Variants in HERC6 observed in about 807,000 individuals in gnomAD.
HERC6 encodes the protein HECT and RLD domain containing E3 ubiquitin protein ligase family member 6.
HERC6 carries 101 observed loss-of-function variants against 114.5 expected under a neutral mutation model. The ratio of observed to expected loss-of-function variants is 0.88; its 90% CI spans 0.75 to 1.04. HERC6 has a LOEUF of 1.04. Among genes scored for constraint, HERC6 ranks in the 50% least tolerant of loss-of-function variants. The probability of loss-of-function intolerance (pLI) is 0.00; values close to 1 mark genes in which losing one functional copy is unlikely to be tolerated. For missense variants in HERC6, 1,133 were observed against 1,230.9 expected (o/e 0.92, Z 1.19); for synonymous variants, 408 against 436.2 (o/e 0.94, Z 0.81).
chr4:88,408,525 G>A lies in HERC6; in HGVS notation c.1276G>A (p.Gly426Arg), dbSNP rs1205247821. Reference protein sequence around the residue: ...CLTASFLKKRGTGETTSIDVD... With the variant: ...CLTASFLKKRRTGETTSIDVD... The stretch of plus-strand genomic sequence containing the variant: ...TTCTTGCATTTCTTGTATCCAAAGA[G>A]GAACTGGAGAAACGACTTCCATTGA... The change falls in exon 11 of 23, where the codon GGA becomes AGA. Residue 426 changes from glycine to arginine, a missense_variant and splice_region_variant. Gly to Arg is a moderately radical substitution (Grantham distance 125). Transcript: ENST00000264346. The A allele has an allele frequency of 8.2e-6, 13 of 1,586,228 alleles. No homozygotes were observed. The highest frequency in any genetic ancestry group is 9.5e-6 in the Non-Finnish European group (11 of 1,161,910).
At chr4:88,410,479 C>T (rs1736034024) in intron 11 of HERC6, among the ~76,000 whole-genome samples, 2 of 151,964 alleles carry the variant, frequency 1.3e-5, no homozygotes, top group Admixed American at 6.6e-5. Flanking sequence ...TTTTGAGGCC[C>T]GAAGATTTAT....
chr4:88,405,083 G>T, intron 9 of HERC6, 86 bp downstream of exon 9: 1 of 1,501,980 alleles, frequency 6.7e-7, no homozygotes, highest in African/African-American at 1.4e-5. Context: ...TTTTGGTTTT[G>T]TTGTGAAGGT....
intron 8 of HERC6, among the ~76,000 whole-genome samples, chr4:88,403,516 A>C (rs1735652178): frequency 6.6e-6 from 1 of 152,202 alleles, no homozygotes; most frequent in South Asian, 2.1e-4. Flanking sequence ...GGACTTTGGG[A>C]GGCCGAGGCG....
In HERC6 at chr4:88,380,283, A is replaced by AATATATAATATATAAAT. The variant is rs1560529133; in HGVS notation, c.199+1171_199+1187dup. ...AATATATAAATATATATAATATATA[A>AATATATAATATATAAAT]ATATATAATATATAAATATATATAT... On this transcript the variant is annotated intron_variant, in intron 1 of 22. Coordinates refer to ENST00000264346, the MANE Select transcript of HERC6 (RefSeq NM_017912.4). Among the ~76,000 whole-genome samples the AATATATAATATATAAAT allele has an allele frequency of 7.7e-5, 4 of 52,198 alleles. 1 individual carries two copies. The highest frequency in any genetic ancestry group is 4.0e-4 in the African/African-American group (4 of 9,996). 34.2% of individuals were successfully genotyped at this position (52,198 alleles called of 152,430 possible). A position where few individuals can be genotyped will look rare whatever the true frequency, so the allele number is the denominator to read the frequency against.
chr4:88,412,994 C>G, intron 11 of HERC6, 83 bp from the exon 12 acceptor site: 1 of 970,044 alleles, frequency 1.0e-6, no homozygotes, highest in Non-Finnish European at 1.5e-6. Flanking sequence ...TGGAGTGAAA[C>G]CCTTAATTTC....
In HERC6 at chr4:88,405,015, A is replaced by T; in HGVS notation, c.1214+18A>T. 6.2e-7 allele frequency: 1 copy of T among 1,610,100 alleles called. No homozygotes were observed. ...GCTAAAAGGTGGCTCTGTCTGATAA[A>T]TTATAAGCCACTTTTATCTGGTTCT... On this transcript the variant is annotated intron_variant, in intron 9 of 22. Transcript: ENST00000264346.
rs1737882966 is a variant in HERC6, at chr4:88,428,670, G to A, written c.2026G>A (p.Val676Ile). 1.2e-6 allele frequency: 2 copies of A among 1,604,056 alleles called. No homozygotes were observed. The highest frequency in any genetic ancestry group is 1.7e-6 in the Non-Finnish European group (2 of 1,175,498). Residue 676 changes from valine to isoleucine, a missense_variant, in exon 16 of 23, where the codon GTC becomes ATC. Around this residue, in one of 3 missense-constraint regions of HERC6, gnomAD observed 388 missense variants for 445.9 expected, o/e 0.87. Coordinates refer to ENST00000264346, the MANE Select transcript of HERC6 (RefSeq NM_017912.4). ...FPPSPRFILR[V>I]RRSRLVKDAL... ...TCCATCACCCAGATTTATACTTAGAGTCAGACGAAGTCGCCTGGTTAAAGA... is the reference window on the plus strand; with the variant it reads ...TCCATCACCCAGATTTATACTTAGAATCAGACGAAGTCGCCTGGTTAAAGA...
chr4:88,437,125 C>T (rs771557592), intron 19 of HERC6, among the ~76,000 whole-genome samples, 154 bp downstream of exon 19: 4 of 151,668 alleles, frequency 2.6e-5, no homozygotes, highest in African/African-American at 7.3e-5. Context: ...GGCGCGATCT[C>T]GGTTCACTGC....
intron 7 of HERC6, among the ~76,000 whole-genome samples, chr4:88,397,687 A>G (rs1388607548): frequency 1.3e-5 from 2 of 152,032 alleles, no homozygotes; most frequent in African/African-American, 2.4e-5. Flanking sequence ...CTCCATCTCA[A>G]AAAAATAAAA....
intron 3 of HERC6, among the ~76,000 whole-genome samples, chr4:88,386,244 C>T (rs1215730576): frequency 1.4e-5 from 2 of 140,942 alleles, no homozygotes; most frequent in African/African-American, 5.3e-5. Flanking sequence ...CTTGTTCTGT[C>T]ACCCAGGCTG....
intron 10 of HERC6, among the ~76,000 whole-genome samples, chr4:88,406,655 T>G (rs1735826098): frequency 6.6e-6 from 1 of 152,214 alleles, no homozygotes. Flanking sequence ...AGGGGGAAAT[T>G]TATAATACTT....
intron 13 of HERC6, among the ~76,000 whole-genome samples, chr4:88,422,130 A>T (rs545399396): frequency 2.9e-4 from 44 of 152,238 alleles, no homozygotes; most frequent in African/African-American, 9.6e-4. Flanking sequence ...TTCCTCTTAA[A>T]AGTTAAATTT....
At chr4:88,385,252 A>G (rs533270031) in intron 2 of HERC6, among the ~76,000 whole-genome samples, 118 of 152,338 alleles carry the variant, frequency 7.7e-4, no homozygotes, top group African/African-American at 2.8e-3. Context: ...ATATTGCATT[A>G]AAGTCCAATA....
intron 16 of HERC6, among the ~76,000 whole-genome samples, chr4:88,430,153 G>C (rs1168325801): frequency 3.9e-5 from 6 of 151,952 alleles, no homozygotes; most frequent in Admixed American, 2.0e-4. Context: ...AAAAATCTAA[G>C]CAACAAAAAT....
intron 3 of HERC6, among the ~76,000 whole-genome samples, chr4:88,388,572 CAG>C (rs1272176096): frequency 8.6e-4 from 123 of 143,092 alleles, no homozygotes; most frequent in African/African-American, 3.1e-3. Context: ...AAAAAAAAGA[CAG>C]ATTAATAGGA....
At chr4:88,389,162 G>T (rs1390213358) in intron 3 of HERC6, among the ~76,000 whole-genome samples, 1 of 152,102 alleles carries the variant, frequency 6.6e-6, no homozygotes, top group Non-Finnish European at 1.5e-5. Flanking sequence ...CCATGGGGTT[G>T]GGGCATGCTC....
chr4:88,389,646 G>A lies in HERC6; in HGVS notation c.437-1006G>A, dbSNP rs548842513. On this transcript the variant is annotated intron_variant, in intron 3 of 22. Coordinates refer to ENST00000264346, the MANE Select transcript of HERC6 (RefSeq NM_017912.4). ...GGAGGGAGAAGAGTGGACATTGTTT[G>A]AAGGGACTTTTGAAGGTGACCTGGA... 2.6e-5 allele frequency among the ~76,000 whole-genome samples: 4 copies of A among 152,246 alleles called. 1 individual carries two copies. In the South Asian group the frequency reaches 8.3e-4, roughly 32 times the overall value.
chr4:88,437,321 T>C (rs1346773797), intron 19 of HERC6, among the ~76,000 whole-genome samples: 1 of 152,042 alleles, frequency 6.6e-6, no homozygotes, highest in Non-Finnish European at 1.5e-5. Context: ...CCTCCCAAAG[T>C]GCTAGGATTA....
At chr4:88,424,213 G>A (rs1229825982) in intron 14 of HERC6, among the ~76,000 whole-genome samples, 1 of 152,200 alleles carries the variant, frequency 6.6e-6, no homozygotes, top group Non-Finnish European at 1.5e-5. Context: ...GAGGCCAGGT[G>A]CAGTGGCTCA....
Sources: gnomAD v4.1 joint callset for allele counts (sites outside exome capture counted in the v4.1 genomes callset) on GRCh38, gnomAD v4.1.1 for gene constraint, gnomAD v4.1.1 regional missense constraint, MANE v1.5 for transcripts, NCBI Gene and HGNC (gene_info 2026-07-23, HGNC 2026-07-21) for gene names.